The following USP33 variants were observed in gnomAD, a reference collection of about 807,000 sequenced individuals.
The protein encoded by USP33 is ubiquitin carboxyl-terminal hydrolase 33.
Under a neutral mutation model 124.2 loss-of-function variants are expected in USP33, and 46 were observed. The observed-to-expected ratio is 0.37, with a 90% CI of 0.29 to 0.47. USP33 has a LOEUF of 0.47. Among genes scored for constraint, USP33 ranks in the 20% least tolerant of loss-of-function variants. USP33 has a pLI of 0.99. For missense variants in USP33, 851 were observed against 1,070.6 expected, an observed-to-expected ratio of 0.79 and a Z score of 2.86; for synonymous variants, 350 against 352.3, an observed-to-expected ratio of 0.99 and a Z score of 0.07.
intron 12 of USP33, among the ~76,000 whole-genome samples, chr1:77,722,749 G>C (rs532073520): frequency 1.3e-5 from 2 of 152,154 alleles, no homozygotes; most frequent in Non-Finnish European, 1.5e-5. Flanking sequence ...TTTTGTTTTT[G>C]AGATGTTATT....
intron 15 of USP33, chr1:77,720,344 T>C: frequency 4.1e-6 from 4 of 985,426 alleles, no homozygotes; most frequent in Non-Finnish European, 4.8e-6. Flanking sequence ...TTAGTATGCT[T>C]TGCTTTACAA....
chr1:77,717,791 G>A, intron 17 of USP33, 76 bp downstream of exon 17: 1 of 1,346,644 alleles, frequency 7.4e-7, no homozygotes, highest in Non-Finnish European at 9.8e-7. Flanking sequence ...TGGTATTACA[G>A]GTATGAGCCA....
rs1362036166 is a variant in USP33 at position 77,711,791 on chromosome 1, T to C, written c.2362A>G (p.Lys788Glu). 6.2e-7 allele frequency: 1 copy of C among 1,610,714 alleles called. No homozygotes were observed. The highest frequency in any genetic ancestry group is 8.5e-7 in the Non-Finnish European group (1 of 1,179,246). ...ICHTCQIEAE[K>E]IEKRRKTELE... is the part of the protein sequence containing the mutation. The stretch of plus-strand genomic sequence containing the variant: ...TCAGTTTTTCTTCTTTTTTCAATTT[T>C]CTCCGCCTCAATTTGGCAAGTATGA... The change falls in exon 21 of 24, where the codon AAA (lysine) becomes GAA (glutamate). Residue 788 changes from lysine (K) to glutamate (E), a missense_variant. Coordinates refer to ENST00000370794, the MANE Select transcript of USP33 (RefSeq NM_201624.3).
chr1:77,754,760 T>C (rs1211198114), intron 1 of USP33, among the ~76,000 whole-genome samples: 8 of 152,222 alleles, frequency 5.3e-5, no homozygotes, highest in African/African-American at 1.9e-4. Flanking sequence ...TTAAGGCTAT[T>C]AAAAGAAATA....
At chr1:77,715,132 T>C (rs1405373614) in intron 18 of USP33, among the ~76,000 whole-genome samples, 2 of 152,226 alleles carry the variant, frequency 1.3e-5, no homozygotes, top group African/African-American at 4.8e-5. Flanking sequence ...ATACTTTCAT[T>C]ATTAGCTACT....
chr1:77,713,211 G>T lies in USP33; in HGVS notation c.2286C>A (p.Asn762Lys). The change falls in exon 20 of 24, where the codon AAC (asparagine) becomes AAA (lysine). Residue 762 changes from asparagine (N) to lysine (K), a missense_variant. By Grantham distance (94) the Asn-to-Lys change is moderately conservative. This residue lies in a region of USP33 where 281 missense variants were observed against 425.0 expected (regional missense o/e 0.66). Coordinates refer to ENST00000370794, the MANE Select transcript of USP33 (RefSeq NM_201624.3). ...TTTAAAAAACAAACCTGCTATATAG[G>T]TTATCCCAAATGTTCTGAGGCAGCA... is the stretch of plus-strand genomic sequence containing the variant. ...VLMLPQNIWD[N>K]LYSRYGGGPA... is the part of the protein sequence containing the mutation. The T allele has an allele frequency of 6.3e-7, 1 of 1,591,722 alleles. No homozygotes were observed.
chr1:77,706,662 T>C (rs1333109638), intron 21 of USP33, among the ~76,000 whole-genome samples: 2 of 152,240 alleles, frequency 1.3e-5, no homozygotes, highest in Admixed American at 1.3e-4. Context: ...CCATGCGCTA[T>C]CATGCAAAAG....
chr1:77,758,425 C>T (rs1379997252), intron 1 of USP33, among the ~76,000 whole-genome samples: 2 of 152,102 alleles, frequency 1.3e-5, no homozygotes, highest in Non-Finnish European at 1.5e-5. Flanking sequence ...TCGTGATCGT[C>T]GGCCTCCCAG....
chr1:77,715,776 C>T lies in USP33; in HGVS notation c.2011G>A (p.Val671Ile), dbSNP rs199795752. The change falls in exon 18 of 24, where the codon GTA becomes ATA. Residue 671 changes from valine (V) to isoleucine (I), a missense_variant. By Grantham distance (29) the Val-to-Ile change is conservative. This residue lies in a region of USP33 where 281 missense variants were observed against 425.0 expected (regional missense o/e 0.66). Transcript: ENST00000370794. ...AGAACGTAAGCTTCTGCATTTTGTA[C>T]AGTAGATTCTGAAACTTCAGTGACA... ...QSVTEVSEST[V>I]QNAEAYVLFY... is the part of the protein sequence containing the mutation. The T allele has an allele frequency of 1.2e-6, 2 of 1,613,896 alleles. No homozygotes were observed. Among genetic ancestry groups the T allele is most frequent in the Non-Finnish European group, 1.7e-6 (2 of 1,179,944 alleles).
intron 4 of USP33, among the ~76,000 whole-genome samples, chr1:77,740,479 G>C (rs369707227): frequency 1.3e-5 from 2 of 151,596 alleles, no homozygotes; most frequent in East Asian, 3.9e-4. Context: ...TCAGCCTCCC[G>C]AGTAGCTGGG....
chr1:77,757,078 G>A (rs927589506), intron 1 of USP33, among the ~76,000 whole-genome samples: 19 of 152,108 alleles, frequency 1.2e-4, no homozygotes, highest in Non-Finnish European at 1.6e-4. Flanking sequence ...ACCCTTCAAG[G>A]AGCTCATTAA....
At position 77,711,758 on chromosome 1, in the gene USP33, T is replaced by A; in HGVS notation, c.2395A>T (p.Ile799Phe). The A allele has an allele frequency of 3.7e-6, 6 of 1,607,256 alleles. No homozygotes were observed. In the South Asian group the frequency reaches 6.7e-5, roughly 18 times the overall value. ...CATCACTTTTTTACCCGAATAAAAA[T>A]TTCCAATTCAGTTTTTCTTCTTTTT... ...IEKRRKTELE[I>F]FIRLNRAFQK... Residue 799 changes from isoleucine (I) to phenylalanine (F), a missense_variant, in exon 21 of 24, where the codon ATT (isoleucine) becomes TTT (phenylalanine). Around this residue, in one of 4 missense-constraint regions of USP33, gnomAD observed 142 missense variants for 141.8 expected, o/e 1.00. Coordinates refer to ENST00000370794, the MANE Select transcript of USP33 (RefSeq NM_201624.3).
intron 17 of USP33, among the ~76,000 whole-genome samples, chr1:77,716,995 A>G (rs1313445723): frequency 6.6e-6 from 1 of 151,208 alleles, no homozygotes; most frequent in Non-Finnish European, 1.5e-5. Context: ...CCTCCCGAGT[A>G]GCTGGGATTA....
At chr1:77,697,551 A>G (rs1311337942) in intron 23 of USP33, 77 bp from the exon 24 acceptor site, 2 of 1,465,230 alleles carry the variant, frequency 1.4e-6, no homozygotes, top group Non-Finnish European at 1.8e-6. Context: ...TGTACCCCCC[A>G]GCATGAATCT....
At chr1:77,743,392 C>A (rs1457458984) in intron 1 of USP33, among the ~76,000 whole-genome samples, 4 of 152,032 alleles carry the variant, frequency 2.6e-5, no homozygotes, top group Non-Finnish European at 5.9e-5. Flanking sequence ...AAAAGTTGAA[C>A]AAAATCAAAT....
chr1:77,708,090 T>C (rs1010893318), intron 21 of USP33, among the ~76,000 whole-genome samples: 3 of 152,190 alleles, frequency 2.0e-5, no homozygotes, highest in African/African-American at 7.2e-5. Flanking sequence ...AGCATGATAT[T>C]GTTGCTACTG....
chr1:77,757,090 C>A (rs961801543), intron 1 of USP33, among the ~76,000 whole-genome samples: 12 of 152,260 alleles, frequency 7.9e-5, no homozygotes, highest in Non-Finnish European at 1.8e-4. Flanking sequence ...GCTCATTAAT[C>A]TGTTCACATT....
At chr1:77,698,782 G>A (rs778521991) in intron 22 of USP33, among the ~76,000 whole-genome samples, 1 of 151,802 alleles carries the variant, frequency 6.6e-6, no homozygotes, top group Non-Finnish European at 1.5e-5. Flanking sequence ...TGACAGGCAT[G>A]AGCCACCACG....
intron 14 of USP33, 171 bp from the exon 15 acceptor site, chr1:77,721,376 A>T (rs1676542207): frequency 3.2e-6 from 2 of 634,096 alleles, no homozygotes; most frequent in South Asian, 4.1e-5. Flanking sequence ...CCCCTCCCTT[A>T]ACTCCTGCCA....
Sources: gnomAD v4.1 joint callset for allele counts (sites outside exome capture counted in the v4.1 genomes callset) on GRCh38, gnomAD v4.1.1 for gene constraint, gnomAD v4.1.1 regional missense constraint, MANE v1.5 for transcripts, NCBI Gene and HGNC (gene_info 2026-07-23, HGNC 2026-07-21) for gene names.